Variants in RNF6 observed in about 807,000 individuals in gnomAD.
RNF6 encodes the protein E3 ubiquitin-protein ligase RNF6.
In RNF6, 21 loss-of-function variants were observed where a neutral mutation model predicts 50.1. The ratio of observed to expected loss-of-function variants is 0.42; its 90% CI spans 0.30 to 0.60. The LOEUF is 0.60. Ranked by LOEUF, RNF6 falls within the 20% of genes least tolerant of loss-of-function variation. The pLI is 0.20. For missense variants in RNF6, 698 were observed against 838.2 expected (o/e 0.83, Z 2.07); for synonymous variants, 255 against 291.8 (o/e 0.87, Z 1.29).
At chr13:26,198,825 A>C (rs1478941991) in intron 5 of RNF6, among the ~76,000 whole-genome samples, 1 of 152,016 alleles carries the variant, frequency 6.6e-6, no homozygotes, top group Non-Finnish European at 1.5e-5. Flanking sequence ...TCAATTGTAC[A>C]GGTATAGGTA....
intron 5 of RNF6, among the ~76,000 whole-genome samples, chr13:26,184,263 C>G (rs1873408810): frequency 6.6e-6 from 1 of 151,832 alleles, no homozygotes; most frequent in South Asian, 2.1e-4. Flanking sequence ...GATCTCCTGA[C>G]CTCGTGATTC....
chr13:26,219,607 T>G lies in RNF6; in HGVS notation c.43A>C (p.Thr15Pro), dbSNP rs1237148829. ...RSRSDGGSEE[T>P]LPQDHNHHEN... ...TGATGATTATGGTCTTGAGGTAAGG[T>G]TTCTTCACTGCCACCATCTGATCTC... Residue 15 changes from threonine (T) to proline (P), a missense_variant, in exon 3 of 5, where the codon ACC (threonine) becomes CCC (proline). Coordinates refer to ENST00000381588, the MANE Select transcript of RNF6 (RefSeq NM_005977.4). 6.2e-7 allele frequency: 1 copy of G among 1,613,864 alleles called. No homozygotes were observed. The highest frequency in any genetic ancestry group is 8.5e-7 in the Non-Finnish European group (1 of 1,179,922).
intron 5 of RNF6, among the ~76,000 whole-genome samples, chr13:26,177,014 A>G (rs1344694275): frequency 6.6e-6 from 1 of 152,234 alleles, no homozygotes; most frequent in Non-Finnish European, 1.5e-5. Flanking sequence ...AAATGATGAC[A>G]GCAACAGATA....
At chr13:26,172,024 C>A (rs1026971024) in intron 5 of RNF6, among the ~76,000 whole-genome samples, 1 of 152,036 alleles carries the variant, frequency 6.6e-6, no homozygotes, top group Non-Finnish European at 1.5e-5. Flanking sequence ...ACACTTAATG[C>A]CACTAAATAG....
At chr13:26,178,186 C>G (rs974354090) in intron 5 of RNF6, among the ~76,000 whole-genome samples, 2 of 152,086 alleles carry the variant, frequency 1.3e-5, no homozygotes, top group Non-Finnish European at 2.9e-5. Flanking sequence ...GAGACTCCAC[C>G]TCAAAAAATA....
chr13:26,164,699 T>C (rs953025304), intron 5 of RNF6, among the ~76,000 whole-genome samples: 4 of 152,142 alleles, frequency 2.6e-5, no homozygotes, highest in Non-Finnish European at 5.9e-5. Flanking sequence ...TTCTGCTTGC[T>C]TTTCTTTACT....
chr13:26,147,902 G>C (rs1448202287), intron 5 of RNF6, among the ~76,000 whole-genome samples: 1 of 152,114 alleles, frequency 6.6e-6, no homozygotes, highest in Non-Finnish European at 1.5e-5. Context: ...CGTGACATTA[G>C]GACAACATGT....
chr13:26,143,698 G>T (rs1294318789), intron 5 of RNF6, among the ~76,000 whole-genome samples: 4 of 152,168 alleles, frequency 2.6e-5, no homozygotes, highest in Non-Finnish European at 4.4e-5. Flanking sequence ...AGCCCTGTAA[G>T]GTATTGCCAC....
intron 5 of RNF6, among the ~76,000 whole-genome samples, chr13:26,155,344 C>A (rs987932748): frequency 3.7e-4 from 56 of 152,082 alleles, no homozygotes; most frequent in Non-Finnish European, 2.4e-4. Flanking sequence ...GAGAAAACCC[C>A]CATGGTATGT....
chr13:26,223,021 G>A (rs534271286), upstream of RNF6, among the ~76,000 whole-genome samples: 2 of 152,120 alleles, frequency 1.3e-5, no homozygotes, highest in South Asian at 4.1e-4. Flanking sequence ...TTACCTCACC[G>A]TTAGTTAAGA....
In RNF6 at chr13:26,214,295, C is replaced by G. The variant is rs375598251; in HGVS notation, c.1587G>C (p.Arg529Ser). Reference protein sequence around the residue: ...ELSNLGTDNNRSQHREGSSQD... With the variant: ...ELSNLGTDNNSSQHREGSSQD... ...GAGAGGAACCTTCCCTGTGCTGGCT[C>G]CTGTTGTTATCTGTACCTAAGTTAC... Residue 529 changes from arginine (R) to serine (S), a missense_variant, in exon 5 of 5, where the codon AGG becomes AGC. By Grantham distance (110) the Arg-to-Ser change is moderately radical. Transcript: ENST00000381588. The G allele has an allele frequency of 1.2e-5, 20 of 1,614,000 alleles. No individual in the cohort carries two copies. The African/African-American group carries it at 2.4e-4, about 19-fold the overall frequency.
At chr13:26,215,684 A>T in intron 4 of RNF6, 92 bp from the exon 5 acceptor site, 1 of 1,113,836 alleles carries the variant, frequency 9.0e-7, no homozygotes. Flanking sequence ...AGTTTGTAAT[A>T]AATTAAAGAA....
At chr13:26,200,615 G>A (rs1414896662) in intron 5 of RNF6, among the ~76,000 whole-genome samples, 1 of 152,114 alleles carries the variant, frequency 6.6e-6, no homozygotes, top group African/African-American at 2.4e-5. Flanking sequence ...ATGTTGGCCA[G>A]GCTGGTCTTG....
intron 5 of RNF6, among the ~76,000 whole-genome samples, chr13:26,144,041 G>A (rs1871101678): frequency 1.3e-5 from 2 of 152,274 alleles, no homozygotes; most frequent in African/African-American, 4.8e-5. Context: ...TAATCAACCT[G>A]CCACTAAGTA....
At chr13:26,209,355 C>G (rs934159685), downstream of RNF6, among the ~76,000 whole-genome samples, 8 of 152,318 alleles carry the variant, frequency 5.3e-5, no homozygotes, top group Admixed American at 3.9e-4. Flanking sequence ...GCTCATGAGA[C>G]CCATTGTTTC....
chr13:26,168,025 A>G (rs1358447091), intron 5 of RNF6, among the ~76,000 whole-genome samples: 1 of 152,204 alleles, frequency 6.6e-6, no homozygotes, highest in African/African-American at 2.4e-5. Flanking sequence ...GAGGAAAACA[A>G]GAGACACTGG....
At chr13:26,155,008 C>A (rs1593153661) in intron 5 of RNF6, among the ~76,000 whole-genome samples, 2 of 150,484 alleles carry the variant, frequency 1.3e-5, no homozygotes, top group Non-Finnish European at 3.0e-5. Context: ...CCAGCCTGGG[C>A]AAAAGAGCCA....
chr13:26,133,962 T>C (rs1012430388), intron 5 of RNF6, among the ~76,000 whole-genome samples: 2 of 152,220 alleles, frequency 1.3e-5, no homozygotes, highest in Admixed American at 6.5e-5. Context: ...CTGGATATCA[T>C]TTAAACTGTC....
intron 5 of RNF6, among the ~76,000 whole-genome samples, chr13:26,192,320 T>C (rs575348463): frequency 6.6e-6 from 1 of 152,214 alleles, no homozygotes; most frequent in African/African-American, 2.4e-5. Flanking sequence ...TGGTTAGAAG[T>C]AGTTGTTTCT....
Sources: gnomAD v4.1 joint callset for allele counts (sites outside exome capture counted in the v4.1 genomes callset) on GRCh38, gnomAD v4.1.1 for gene constraint, MANE v1.5 for transcripts, NCBI Gene and HGNC (gene_info 2026-07-23, HGNC 2026-07-21) for gene names.